Variants in CPPED1 observed in about 807,000 individuals in gnomAD.
The protein encoded by CPPED1 is calcineurin like phosphoesterase domain containing 1, also known as serine/threonine-protein phosphatase CPPED1.
CPPED1 carries 28 observed loss-of-function variants against 28.0 expected under a neutral mutation model. The ratio of observed to expected loss-of-function variants is 1.00; its 90% CI spans 0.74 to 1.37. The LOEUF (loss-of-function observed/expected upper bound fraction) is 1.37. CPPED1 is among the 40% of genes most tolerant of loss of function. The probability of loss-of-function intolerance (pLI) is 0.00; values close to 1 mark genes in which losing one functional copy is unlikely to be tolerated. For synonymous variants in CPPED1, 198 were observed against 180.2 expected (o/e 1.10, Z -0.79); for missense variants, 504 against 416.5 (o/e 1.21, Z -1.83).
chr16:12,751,991 G>A (rs2080332569), intron 2 of CPPED1, among the ~76,000 whole-genome samples: 1 of 152,152 alleles, frequency 6.6e-6, no homozygotes, highest in African/African-American at 2.4e-5. Context: ...GCTTCCTAGA[G>A]CCACCAAAGT....
intron 2 of CPPED1, among the ~76,000 whole-genome samples, chr16:12,769,424 C>G (rs757336523): frequency 1.3e-5 from 2 of 152,036 alleles, no homozygotes; most frequent in East Asian, 3.9e-4. Flanking sequence ...GTTAAGACGC[C>G]GAGACTTGGA....
At chr16:12,685,398 C>T (rs768566458) in intron 3 of CPPED1, among the ~76,000 whole-genome samples, 10 of 152,000 alleles carry the variant, frequency 6.6e-5, no homozygotes, top group Admixed American at 3.3e-4. Flanking sequence ...TGCAGTGAGC[C>T]GAGATCATGC....
intron 2 of CPPED1, among the ~76,000 whole-genome samples, chr16:12,779,373 C>A (rs2080516197): frequency 6.7e-6 from 1 of 149,776 alleles, no homozygotes; most frequent in African/African-American, 2.4e-5. Flanking sequence ...CATGCACCAC[C>A]ACGCCTGGCT....
At chr16:12,771,102 A>G (rs927985554) in intron 2 of CPPED1, among the ~76,000 whole-genome samples, 2 of 152,206 alleles carry the variant, frequency 1.3e-5, no homozygotes, top group Non-Finnish European at 2.9e-5. Flanking sequence ...ACCCTCATTT[A>G]AATCCTACAG....
At chr16:12,690,251 C>A (rs1274349842) in intron 3 of CPPED1, among the ~76,000 whole-genome samples, 1 of 152,156 alleles carries the variant, frequency 6.6e-6, no homozygotes, top group Non-Finnish European at 1.5e-5. Context: ...GTGGCTCATG[C>A]GTATAACCAC....
rs537309672 is a variant in CPPED1, at chr16:12,661,421, T to C, written c.*3465A>G. The C allele has an allele frequency of 4.6e-5, 7 of 152,260 alleles. No homozygotes were observed. The highest frequency in any genetic ancestry group is 1.3e-4 in the Admixed American group (2 of 15,286). 9.4% of individuals were successfully genotyped at this position (152,260 alleles called of 1,614,324 possible). On this transcript the variant is annotated 3_prime_UTR_variant, in exon 4 of 4. Transcript: ENST00000381774. ...CATTTTTTCCCCATTCTCCCCAAAC[T>C]TAGGAGAAACTTGACTAAAGATGTG... is the stretch of plus-strand genomic sequence containing the variant.
chr16:12,704,751 G>T lies in CPPED1; in HGVS notation c.588C>A (p.His196Gln). Residue 196 changes from histidine to glutamine, a missense_variant, in exon 3 of 4, where the codon CAC becomes CAA. Transcript: ENST00000381774. The part of the protein sequence containing the change: ...DEQLSIARQR[H>Q]CQHAIVFQHI... ...GCTGGAAGACGATGGCATGCTGGCA[G>T]TGCCGCTGCCTCGCGATGCTCAGCT... The T allele has an allele frequency of 9.3e-6, 15 of 1,614,208 alleles. No homozygotes were observed. The highest frequency in any genetic ancestry group is 1.3e-5 in the Non-Finnish European group (15 of 1,180,028).
At chr16:12,715,920 ATTC>A (rs933867590) in intron 2 of CPPED1, among the ~76,000 whole-genome samples, 3 of 152,170 alleles carry the variant, frequency 2.0e-5, no homozygotes, top group Non-Finnish European at 4.4e-5. Context: ...GCCCAAGACA[ATTC>A]TTCTTGTAAA....
In CPPED1 at chr16:12,705,029, G is replaced by T; in HGVS notation, c.310C>A (p.Gln104Lys). The T allele has an allele frequency of 1.2e-6, 2 of 1,610,498 alleles. No homozygotes were observed. Among genetic ancestry groups the T allele is most frequent in the Non-Finnish European group, 1.7e-6 (2 of 1,177,194 alleles). Residue 104 changes from glutamine to lysine, a missense_variant, in exon 3 of 4, where the codon CAG becomes AAG. Physicochemically the swap from Gln to Lys is moderately conservative, Grantham distance 53. Transcript: ENST00000381774. The part of the protein sequence containing the change: ...AMPGKPWRTE[Q>K]TEDLKRVLRA... The stretch of plus-strand genomic sequence containing the variant: ...AGCACTCGCTTCAGGTCCTCCGTCT[G>T]CTCCGTCCGCCACGGCTTCCCTGGA...
intron 3 of CPPED1, among the ~76,000 whole-genome samples, chr16:12,700,992 C>A (rs1404466585): frequency 6.6e-6 from 1 of 152,064 alleles, no homozygotes; most frequent in African/African-American, 2.4e-5. Flanking sequence ...CTTTGGGATA[C>A]CCCGGCGGGA....
intron 1 of CPPED1, among the ~76,000 whole-genome samples, chr16:12,801,680 G>A (rs1334458384): frequency 6.6e-6 from 1 of 152,094 alleles, no homozygotes; most frequent in African/African-American, 2.4e-5. Flanking sequence ...CTGTTACCAA[G>A]GGCAAAAACC....
intron 3 of CPPED1, among the ~76,000 whole-genome samples, chr16:12,702,003 G>A (rs941671616): frequency 3.3e-5 from 5 of 152,308 alleles, no homozygotes; most frequent in Middle Eastern, 3.4e-3. Context: ...CCTACGGGAA[G>A]AGAAAGCACC....
At chr16:12,766,981 C>T (rs73508404) in intron 2 of CPPED1, among the ~76,000 whole-genome samples, 5,412 of 148,998 alleles carry the variant, frequency 0.036, 337 homozygotes, top group African/African-American at 0.13. Flanking sequence ...CATTTTGGCT[C>T]CATGGTTGCT....
chr16:12,666,810 T>C (rs2079828229), intron 3 of CPPED1, among the ~76,000 whole-genome samples: 1 of 152,230 alleles, frequency 6.6e-6, no homozygotes, highest in African/African-American at 2.4e-5. Context: ...ATCTATTTAA[T>C]ACTGAGTTTA....
intron 2 of CPPED1, among the ~76,000 whole-genome samples, chr16:12,773,691 G>T (rs1244079230): frequency 2.0e-5 from 3 of 152,156 alleles, no homozygotes; most frequent in Admixed American, 2.0e-4. Context: ...ACTGTACCCA[G>T]CCTGGGCGAC....
intron 2 of CPPED1, among the ~76,000 whole-genome samples, chr16:12,757,322 A>G (rs535632051): frequency 6.6e-6 from 1 of 152,280 alleles, no homozygotes; most frequent in Admixed American, 6.5e-5. Context: ...ATTCCAAAGC[A>G]TAACTACAAG....
chr16:12,727,889 T>C (rs1235295336), intron 2 of CPPED1, among the ~76,000 whole-genome samples: 1 of 152,210 alleles, frequency 6.6e-6, no homozygotes, highest in Non-Finnish European at 1.5e-5. Flanking sequence ...ACCTTACAAA[T>C]GTATGGTATG....
intron 1 of CPPED1, among the ~76,000 whole-genome samples, chr16:12,794,668 G>C (rs549737278): frequency 1.3e-5 from 2 of 152,116 alleles, no homozygotes; most frequent in Non-Finnish European, 2.9e-5. Flanking sequence ...AAATGCTTTT[G>C]AGCATGACCT....
At chr16:12,735,238 G>A (rs182814791) in intron 2 of CPPED1, among the ~76,000 whole-genome samples, 37 of 152,322 alleles carry the variant, frequency 2.4e-4, no homozygotes, top group African/African-American at 8.4e-4. Context: ...AATGGGATGA[G>A]TAGACTATGA....
Sources: gnomAD v4.1 joint callset for allele counts (sites outside exome capture counted in the v4.1 genomes callset) on GRCh38, gnomAD v4.1.1 for gene constraint, MANE v1.5 for transcripts, NCBI Gene and HGNC (gene_info 2026-07-23, HGNC 2026-07-21) for gene names.